The following MYBPC1 variants were observed in gnomAD, a reference collection of about 807,000 sequenced individuals.
MYBPC1 encodes myosin binding protein C1.
In MYBPC1, 52 loss-of-function variants were observed where a neutral mutation model predicts 147.1. The ratio of observed to expected loss-of-function variants is 0.35; its 90% confidence interval spans 0.28 to 0.45. MYBPC1 has a LOEUF of 0.45. Ranked by LOEUF, MYBPC1 falls within the 20% of genes least tolerant of loss-of-function variation. MYBPC1 has a pLI of 1.00. For missense variants in MYBPC1, 1,228 were observed against 1,440.3 expected (o/e 0.85, Z 2.39); for synonymous variants, 477 against 475.9 (o/e 1.00, Z -0.03).
Position 101,595,041 on chromosome 12 carries a change from C to T in MYBPC1, c.-30C>T. Reference sequence around the variant, plus strand: ...TCAACTAGTCGTGGAGGGAAGGAGACTCTTTAAAGAATAACATCTTATTGT... The same window carrying T: ...TCAACTAGTCGTGGAGGGAAGGAGATTCTTTAAAGAATAACATCTTATTGT... On this transcript the variant is annotated 5_prime_UTR_variant, in exon 1 of 32. Transcript: ENST00000361466. 1 of 1,610,088 alleles carries T rather than the reference C, an allele frequency of 6.2e-7. No homozygotes were observed. The highest frequency in any genetic ancestry group is 8.5e-7 in the Non-Finnish European group (1 of 1,176,958).
At chr12:101,663,977 A>C (rs1311511413) in intron 22 of MYBPC1, among the ~76,000 whole-genome samples, 4 of 152,238 alleles carry the variant, frequency 2.6e-5, no homozygotes, top group Non-Finnish European at 5.9e-5. Flanking sequence ...TGGGTAATAA[A>C]GGGAGACTAC....
intron 29 of MYBPC1, 100 bp downstream of exon 29, chr12:101,680,629 A>G (rs1164037893): frequency 2.1e-6 from 3 of 1,460,468 alleles, no homozygotes; most frequent in South Asian, 1.2e-5. Flanking sequence ...GCTTGCCAAA[A>G]TGCTGCAGCG....
chr12:101,634,169 G>A (rs578116360), intron 8 of MYBPC1, among the ~76,000 whole-genome samples: 2 of 152,186 alleles, frequency 1.3e-5, no homozygotes, highest in East Asian at 3.9e-4. Flanking sequence ...CAAAGTGCTG[G>A]GATTACAGGC....
Position 101,666,713 on chromosome 12 carries a change from T to C in MYBPC1, c.2357-1019T>C, listed in dbSNP as rs927855362. The stretch of plus-strand genomic sequence containing the variant: ...TTATTCTGGTGTGAAAGTGGGTGTC[T>C]TTAATTAATTTTAATGACGGATTCT... On this transcript the variant is annotated intron_variant, in intron 22 of 31. Coordinates refer to ENST00000361466, the MANE Select transcript of MYBPC1 (RefSeq NM_002465.4). The C allele has an allele frequency of 3.1e-6, 5 of 1,592,058 alleles. No individual in the cohort carries two copies. In the African/African-American group the frequency reaches 4.0e-5, roughly 13 times the overall value.
chr12:101,651,495 G>A, intron 16 of MYBPC1, 102 bp downstream of exon 16: 1 of 1,472,326 alleles, frequency 6.8e-7, no homozygotes, highest in Admixed American at 1.7e-5. Flanking sequence ...GGTAGCCATA[G>A]GGAGATCATC....
intron 12 of MYBPC1, among the ~76,000 whole-genome samples, chr12:101,646,294 GT>G (rs963744633): frequency 8.1e-4 from 118 of 146,542 alleles, no homozygotes; most frequent in Middle Eastern, 3.6e-3. Context: ...ATAAAAATTG[GT>G]TTTTTTTTTT....
intron 9 of MYBPC1, 28 bp downstream of exon 9, chr12:101,634,633 C>G (rs1486366254): frequency 6.4e-7 from 1 of 1,568,506 alleles, no homozygotes; most frequent in South Asian, 1.1e-5. Context: ...ATCTAGATAG[C>G]TTTTGTATAA....
At chr12:101,671,080 A>G (rs930082746) in intron 24 of MYBPC1, among the ~76,000 whole-genome samples, 8 of 151,988 alleles carry the variant, frequency 5.3e-5, no homozygotes, top group Non-Finnish European at 1.0e-4. Context: ...ACTTTCTTCA[A>G]TGTTAGAAAT....
intron 22 of MYBPC1, chr12:101,666,813 A>T: frequency 6.2e-7 from 1 of 1,608,614 alleles, no homozygotes. Context: ...GTATTCCGTG[A>T]AGCTCTCAAA....
At chr12:101,625,920 C>T (rs1432770927) in intron 3 of MYBPC1, among the ~76,000 whole-genome samples, 1 of 151,642 alleles carries the variant, frequency 6.6e-6, no homozygotes, top group Non-Finnish European at 1.5e-5. Context: ...CCCGTCTCTA[C>T]CAAAAATGCA....
intron 1 of MYBPC1, among the ~76,000 whole-genome samples, chr12:101,602,375 C>A (rs1171063479): frequency 6.6e-6 from 1 of 152,096 alleles, no homozygotes; most frequent in Non-Finnish European, 1.5e-5. Flanking sequence ...CCACCACGCC[C>A]AGCTAATTTT....
chr12:101,682,812 C>CTGCT, intron 30 of MYBPC1, 150 bp downstream of exon 30: 1 of 716,194 alleles, frequency 1.4e-6, no homozygotes, highest in Non-Finnish European at 2.4e-6. Flanking sequence ...ATGCCATGAA[C>CTGCT]AAGGAAGGCC....
chr12:101,690,106 C>T (rs540465786), downstream of MYBPC1, among the ~76,000 whole-genome samples: 272 of 152,124 alleles, frequency 1.8e-3, 1 homozygote, highest in African/African-American at 6.3e-3. Context: ...ACCCGGGAGG[C>T]GGAGTTTGCA....
At chr12:101,690,185 AGAAAT>A (rs1423826565), downstream of MYBPC1, among the ~76,000 whole-genome samples, 1 of 152,072 alleles carries the variant, frequency 6.6e-6, no homozygotes, top group Admixed American at 6.5e-5. Context: ...AAAAAAAAAA[AGAAAT>A]GAAAACTTTC....
Position 101,651,441 on chromosome 12 carries a change from T to C in MYBPC1, c.1526+48T>C, listed in dbSNP as rs1221399323. 5 of 1,603,106 alleles carry C rather than the reference T, an allele frequency of 3.1e-6. No homozygotes were observed. In the East Asian group the frequency reaches 6.7e-5, roughly 21 times the overall value. On this transcript the variant is annotated intron_variant, in intron 16 of 31. Transcript: ENST00000361466. ...AAGTGAGGTTTGGTCCCATTTCTAC[T>C]TTCTCCATTTTCTAAATTACATATT...
At chr12:101,693,014 T>C in the MYBPC1 span, among the ~76,000 whole-genome samples, 1 of 150,626 alleles carries the variant, frequency 6.6e-6, no homozygotes, top group Non-Finnish European at 1.5e-5. Flanking sequence ...TGGCGCGATC[T>C]CAGCTCACTG....
intron 18 of MYBPC1, among the ~76,000 whole-genome samples, chr12:101,654,508 C>T (rs73388437): frequency 1.5e-3 from 232 of 152,262 alleles, no homozygotes; most frequent in African/African-American, 5.0e-3. Context: ...ACCCAGTGGA[C>T]TCCCTAAGTT....
At chr12:101,673,370 G>T (rs374586177) in intron 24 of MYBPC1, 57 bp from the exon 25 acceptor site, 1 of 1,565,464 alleles carries the variant, frequency 6.4e-7, no homozygotes, top group South Asian at 1.1e-5. Flanking sequence ...TAATGCTGAA[G>T]AAACATCTTG....
chr12:101,601,413 T>C (rs1879899359), intron 1 of MYBPC1, among the ~76,000 whole-genome samples: 1 of 152,230 alleles, frequency 6.6e-6, no homozygotes, highest in Non-Finnish European at 1.5e-5. Context: ...GGACAGAGTA[T>C]TTATGGGCTT....
Sources: gnomAD v4.1 joint callset for allele counts (sites outside exome capture counted in the v4.1 genomes callset) on GRCh38, gnomAD v4.1.1 for gene constraint, MANE v1.5 for transcripts, NCBI Gene and HGNC (gene_info 2026-07-23, HGNC 2026-07-21) for gene names.